Variants in PCSK5 observed in about 807,000 individuals in gnomAD.
PCSK5 encodes prohormone convertase 5.
PCSK5 carries 129 observed loss-of-function variants against 233.2 expected under a neutral mutation model. The observed-to-expected ratio is 0.55, with a 90% confidence interval of 0.48 to 0.64. The LOEUF is 0.64. PCSK5 is among the 30% of genes least tolerant of loss of function. The pLI is 0.00. For missense variants in PCSK5, 2,076 were observed against 2,430.1 expected, an observed-to-expected ratio of 0.85 and a Z score of 3.06; for synonymous variants, 825 against 879.2, an observed-to-expected ratio of 0.94 and a Z score of 1.09.
chr9:76,296,524 C>CAG, intron 26 of PCSK5, 141 bp from the exon 27 acceptor site: 1 of 625,078 alleles, frequency 1.6e-6, no homozygotes, highest in Non-Finnish European at 2.9e-6. Context: ...GCCTGGGCAA[C>CAG]AGAGAGAGAC....
Position 76,190,332 on chromosome 9 carries a change from ATTT to A in PCSK5, c.2626+600_2626+602del, listed in dbSNP as rs3077112. Among the ~76,000 whole-genome samples the A allele has an allele frequency of 4.1e-4, 60 of 146,090 alleles. 1 individual carries two copies. Among genetic ancestry groups the A allele is most frequent in the South Asian group, 3.5e-3 (16 of 4,626 alleles). On this transcript the variant is annotated intron_variant, in intron 20 of 37. Coordinates refer to ENST00000674117, the MANE Select transcript of PCSK5 (RefSeq NM_001372043.1). The stretch of plus-strand genomic sequence containing the variant: ...TACTCATCTCTCCCACCCACTACTG[ATTT>A]TTTTTTTTTTTTTACAGTCTCCATA...
intron 1 of PCSK5, among the ~76,000 whole-genome samples, chr9:75,922,932 A>T (rs1823317444): frequency 3.9e-5 from 6 of 152,204 alleles, no homozygotes; most frequent in Admixed American, 3.9e-4. Flanking sequence ...CCTGCTAGTA[A>T]GGTAAACTAC....
intron 20 of PCSK5, chr9:76,193,428 G>GCC (rs1564097871): frequency 3.2e-6 from 2 of 630,368 alleles, no homozygotes; most frequent in African/African-American, 4.6e-5. Flanking sequence ...AAGCCAAAAA[G>GCC]AAAAAAAAAA....
chr9:76,020,496 G>A (rs2131477062), intron 3 of PCSK5, among the ~76,000 whole-genome samples: 1 of 152,270 alleles, frequency 6.6e-6, no homozygotes, highest in East Asian at 1.9e-4. Flanking sequence ...AGACACCCTA[G>A]GCTTTAACAT....
rs374569519 is a variant in PCSK5 at position 76,260,725 on chromosome 9, T to C, written c.3142+20041T>C. ...CTGCTGCCACTCTGCTTTTAGCCCATTGAGATCTCTACCAGACTTCTAACC... is the reference window on the plus strand; with the variant it reads ...CTGCTGCCACTCTGCTTTTAGCCCACTGAGATCTCTACCAGACTTCTAACC... On this transcript the variant is annotated intron_variant, in intron 24 of 37. Coordinates refer to ENST00000674117, the MANE Select transcript of PCSK5 (RefSeq NM_001372043.1). Among the ~76,000 whole-genome samples, 9 of 152,332 alleles carry C rather than the reference T, an allele frequency of 5.9e-5. No homozygotes were observed. The South Asian group carries it at 1.5e-3, about 25-fold the overall frequency.
At chr9:75,981,897 A>G (rs1826292075) in intron 2 of PCSK5, among the ~76,000 whole-genome samples, 1 of 152,110 alleles carries the variant, frequency 6.6e-6, no homozygotes, top group South Asian at 2.1e-4. Flanking sequence ...TGATTGTATG[A>G]TAGTGTGTAT....
At chr9:76,190,793 G>T (rs536991406) in intron 20 of PCSK5, among the ~76,000 whole-genome samples, 3 of 152,136 alleles carry the variant, frequency 2.0e-5, no homozygotes, top group Admixed American at 1.3e-4. Flanking sequence ...CAAAATGTTG[G>T]TCTGTTCTTT....
chr9:75,944,292 A>G (rs1467164736), intron 2 of PCSK5, among the ~76,000 whole-genome samples: 1 of 152,012 alleles, frequency 6.6e-6, no homozygotes, highest in Non-Finnish European at 1.5e-5. Flanking sequence ...TTTTACATTT[A>G]AACAAAAAAG....
chr9:76,079,299 C>G (rs1830752408), intron 7 of PCSK5, among the ~76,000 whole-genome samples: 1 of 151,502 alleles, frequency 6.6e-6, no homozygotes. Context: ...AGATCCCCAT[C>G]TCTACTAAAA....
intron 32 of PCSK5, among the ~76,000 whole-genome samples, chr9:76,323,912 C>A (rs1829283259): frequency 6.7e-6 from 1 of 149,266 alleles, no homozygotes; most frequent in Non-Finnish European, 1.5e-5. Context: ...CTTGGTGCCT[C>A]TTGTCTCCCT....
intron 33 of PCSK5, among the ~76,000 whole-genome samples, chr9:76,332,049 A>G (rs1829551576): frequency 6.6e-6 from 1 of 152,208 alleles, no homozygotes; most frequent in Non-Finnish European, 1.5e-5. Context: ...TGAGCTGGAC[A>G]ATGAGCCATT....
intron 27 of PCSK5, among the ~76,000 whole-genome samples, chr9:76,301,896 C>T (rs1247769879): frequency 6.6e-6 from 1 of 151,994 alleles, no homozygotes; most frequent in African/African-American, 2.4e-5. Flanking sequence ...AAAATACCTA[C>T]GAGATTTATA....
chr9:76,102,176 A>G (rs79135337), intron 8 of PCSK5, among the ~76,000 whole-genome samples: 8,447 of 151,804 alleles, frequency 0.056, 252 homozygotes, highest in South Asian at 0.079. Flanking sequence ...TACACTTTGT[A>G]ACTCAGCTTT....
intron 24 of PCSK5, among the ~76,000 whole-genome samples, chr9:76,251,987 G>T (rs573147806): frequency 6.6e-6 from 1 of 152,054 alleles, no homozygotes; most frequent in African/African-American, 2.4e-5. Context: ...GATAAAAGAG[G>T]CCGGGCGTGG....
intron 24 of PCSK5, among the ~76,000 whole-genome samples, chr9:76,277,886 T>G (rs1827741583): frequency 6.6e-6 from 1 of 152,228 alleles, no homozygotes; most frequent in East Asian, 1.9e-4. Context: ...TTTACCCAGT[T>G]CATTATCTTC....
rs528243880 is a variant in PCSK5, at chr9:75,987,875, A to G, written c.411+1630A>G. ...CACCCCTGTTTATAAGACCAGGGTG[A>G]GAGAGACCCTTTTTGCTTGTTCTCA... is the stretch of plus-strand genomic sequence containing the variant. On this transcript the variant is annotated intron_variant, in intron 3 of 37. Transcript: ENST00000674117. Among the ~76,000 whole-genome samples the G allele has an allele frequency of 2.6e-5, 4 of 152,304 alleles. No individual in the cohort carries two copies. The South Asian group carries it at 8.3e-4, about 32-fold the overall frequency.
Position 75,935,319 on chromosome 9 carries a change from G to A in PCSK5, c.297+2836G>A, listed in dbSNP as rs190108737. ...CCTCTCCTCGTGATCCACCCTCCTC[G>A]GCCTCCCAGAGTGCTGGGATTACAG... is the stretch of plus-strand genomic sequence containing the variant. On this transcript the variant is annotated intron_variant, in intron 2 of 37. Coordinates refer to ENST00000674117, the MANE Select transcript of PCSK5 (RefSeq NM_001372043.1). Among the ~76,000 whole-genome samples the A allele has an allele frequency of 8.6e-4, 131 of 151,870 alleles. No individual in the cohort carries two copies. The Middle Eastern group carries it at 0.027, about 32-fold the overall frequency.
intron 30 of PCSK5, among the ~76,000 whole-genome samples, chr9:76,315,939 T>G (rs924888350): frequency 2.7e-5 from 4 of 150,032 alleles, no homozygotes; most frequent in South Asian, 2.1e-4. Flanking sequence ...TTTTTTTTTT[T>G]TTTTTTTTTT....
rs148119086 is a variant in PCSK5 at position 76,314,848 on chromosome 9, C to T, written c.3884+3997C>T. 4.9e-3 allele frequency among the ~76,000 whole-genome samples: 753 copies of T among 152,136 alleles called. 4 individuals carry two copies. Among genetic ancestry groups the T allele is most frequent in the Middle Eastern group, 0.014 (4 of 294 alleles). ...TAGAGATGGGGTTTCACCGTGTTGG[C>T]CAGGCTGGTCTCGGAACTCCTGACC... On this transcript the variant is annotated intron_variant, in intron 30 of 37. Coordinates refer to ENST00000674117, the MANE Select transcript of PCSK5 (RefSeq NM_001372043.1).
Sources: gnomAD v4.1 joint callset for allele counts (sites outside exome capture counted in the v4.1 genomes callset) on GRCh38, gnomAD v4.1.1 for gene constraint, MANE v1.5 for transcripts, NCBI Gene and HGNC (gene_info 2026-07-23, HGNC 2026-07-21) for gene names.